The following ANXA4 variants were observed in gnomAD, a reference collection of about 807,000 sequenced individuals.
ANXA4 encodes annexin A4, also known as 35-beta calcimedin.
In ANXA4, 39 loss-of-function variants were observed where a neutral mutation model predicts 49.8. The ratio of observed to expected loss-of-function variants is 0.78; its 90% CI spans 0.61 to 1.02. The LOEUF is 1.02. ANXA4 is among the 50% of genes least tolerant of loss of function. ANXA4 has a pLI of 0.00. For synonymous variants in ANXA4, 134 were observed against 152.5 expected (o/e 0.88, Z 0.89); for missense variants, 360 against 410.1 (o/e 0.88, Z 1.05).
chr2:69,820,770 C>T lies in ANXA4; in HGVS notation c.855C>T (p.Ile285=). The part of the protein sequence containing the change: ...VSRAEIDMLD[I]RAHFKRLYGK... ...GAGCAGAAATTGACATGTTGGATAT[C>T]CGGGCACACTTCAAGAGACTCTATG... The change falls in exon 12 of 13, where the codon ATC becomes ATT. Residue 285 remains isoleucine (I), a synonymous_variant. Transcript: ENST00000394295. 1.2e-6 allele frequency: 2 copies of T among 1,614,110 alleles called. No homozygotes were observed. The highest frequency in any genetic ancestry group is 1.7e-6 in the Non-Finnish European group (2 of 1,179,996).
At chr2:69,766,483 A>C (rs1451289817) in intron 1 of ANXA4, among the ~76,000 whole-genome samples, 2 of 152,212 alleles carry the variant, frequency 1.3e-5, no homozygotes, top group African/African-American at 4.8e-5. Flanking sequence ...CCCAGTTAGA[A>C]AGTACCTTTA....
upstream of ANXA4, among the ~76,000 whole-genome samples, chr2:69,738,329 A>G (rs1670296265): frequency 6.6e-6 from 1 of 151,824 alleles, no homozygotes; most frequent in African/African-American, 2.4e-5. Flanking sequence ...AGTATTCCAA[A>G]CTCTCCAGCC....
chr2:69,770,491 C>A (rs10185719), intron 1 of ANXA4, among the ~76,000 whole-genome samples: 6,808 of 152,182 alleles, frequency 0.045, 519 homozygotes, highest in African/African-American at 0.16. Context: ...TAGGAATGTG[C>A]CACAAGGCTG....
rs927830522 is a variant in ANXA4 at position 69,654,427 on chromosome 2, T to C, written n.766+1145T>C. On this transcript the variant is annotated intron_variant and non_coding_transcript_variant, in intron 2 of 3. Transcript: ENST00000418066. ...TATGATATTGGGTGTGGGTTTGTCA[T>C]AAATGGCTCTTATTATTTTGAGATA... 8.5e-5 allele frequency among the ~76,000 whole-genome samples: 13 copies of C among 152,350 alleles called. No individual in the cohort carries two copies. In the South Asian group the frequency reaches 2.5e-3, roughly 29 times the overall value.
At chr2:69,791,475 G>T (rs1474504977) in intron 3 of ANXA4, among the ~76,000 whole-genome samples, 1 of 152,160 alleles carries the variant, frequency 6.6e-6, no homozygotes, top group Non-Finnish European at 1.5e-5. Flanking sequence ...CAGGAATTAG[G>T]CAGAGAGACA....
intron 1 of ANXA4, among the ~76,000 whole-genome samples, chr2:69,774,067 C>T (rs990546123): frequency 4.7e-4 from 71 of 152,016 alleles, no homozygotes; most frequent in African/African-American, 1.7e-3. Flanking sequence ...AGGTGATCTG[C>T]CCGCCCCTGC....
intron 2 of ANXA4, among the ~76,000 whole-genome samples, chr2:69,654,032 TTC>T (rs1378249153): frequency 2.4e-4 from 37 of 152,226 alleles, no homozygotes; most frequent in Admixed American, 2.0e-3. Context: ...AGGTATTTTA[TTC>T]TCTTAGTAGC....
At chr2:69,819,976 G>A (rs1674159951) in intron 11 of ANXA4, among the ~76,000 whole-genome samples, 1 of 151,692 alleles carries the variant, frequency 6.6e-6, no homozygotes, top group Non-Finnish European at 1.5e-5. Context: ...GCTGAGGCAG[G>A]AGAATCACTG....
chr2:69,778,584 T>C (rs183550357), intron 1 of ANXA4, among the ~76,000 whole-genome samples: 2,106 of 152,206 alleles, frequency 0.014, 47 homozygotes, highest in Admixed American at 0.05. Context: ...GAGACCAGCC[T>C]GACCAACATG....
At position 69,808,077 on chromosome 2, in the gene ANXA4, A is replaced by G. The variant is rs1304323516; in HGVS notation, c.397+81A>G. ...GGTAGCAGCGGGTTGTTGTTTGCTG[A>G]TTAGACTTTTCACAGAACGCTGAGC... On this transcript the variant is annotated intron_variant, in intron 6 of 12. Coordinates refer to ENST00000394295, the MANE Select transcript of ANXA4 (RefSeq NM_001153.5). 3.0e-6 allele frequency: 4 copies of G among 1,355,574 alleles called. No individual in the cohort carries two copies. In the East Asian group the frequency reaches 9.3e-5, roughly 32 times the overall value. The allele number at this position is 1,355,574 out of a possible 1,614,324, so 84.0% of individuals were successfully genotyped here.
intron 2 of ANXA4, among the ~76,000 whole-genome samples, chr2:69,661,588 C>G (rs1423022980): frequency 2.0e-5 from 3 of 151,978 alleles, no homozygotes; most frequent in African/African-American, 7.3e-5. Context: ...TTTTAAATCT[C>G]ACAAGGACAA....
At position 69,825,893 on chromosome 2, in the gene ANXA4, C is replaced by CGAA. The variant is rs1674449823; in HGVS notation, c.*378_*379insGAA. On this transcript the variant is annotated 3_prime_UTR_variant, in exon 13 of 13. Transcript: ENST00000394295. ...AGACTGTTCTAAAATCACTTTTTTCCCTAATCCAATTTTTAGAGTGGCTAG... is the reference window on the plus strand; with the variant it reads ...AGACTGTTCTAAAATCACTTTTTTCCGAACTAATCCAATTTTTAGAGTGGCTAG... The CGAA allele has an allele frequency of 1.3e-5, 2 of 157,830 alleles. No individual in the cohort carries two copies. The highest frequency in any genetic ancestry group is 4.8e-5 in the African/African-American group (2 of 41,548). 9.8% of individuals were successfully genotyped at this position (157,830 alleles called of 1,614,324 possible).
intron 1 of ANXA4, among the ~76,000 whole-genome samples, chr2:69,758,134 T>C (rs1228670691): frequency 6.6e-6 from 1 of 152,156 alleles, no homozygotes; most frequent in Non-Finnish European, 1.5e-5. Context: ...TGCCTCAGCA[T>C]CCGGCATAGC....
chr2:69,806,631 A>C (rs943176381), intron 5 of ANXA4, 133 bp downstream of exon 5: 27 of 673,676 alleles, frequency 4.0e-5, no homozygotes, highest in African/African-American at 3.4e-4. Context: ...GGATAAAGAA[A>C]ATGTGGTACA....
Position 69,820,782 on chromosome 2 carries a change from C to T in ANXA4, c.867C>T (p.Phe289=), listed in dbSNP as rs1335147603. 2 of 1,614,132 alleles carry T rather than the reference C, an allele frequency of 1.2e-6. No homozygotes were observed. Among genetic ancestry groups the T allele is most frequent in the Non-Finnish European group, 1.7e-6 (2 of 1,180,016 alleles). ...EIDMLDIRAH[F]KRLYGKSLYS... ...ACATGTTGGATATCCGGGCACACTT[C>T]AAGAGACTCTATGGAAAGTCTCTGT... The change falls in exon 12 of 13, where the codon TTC becomes TTT. Residue 289 remains phenylalanine, a synonymous_variant. Coordinates refer to ENST00000394295, the MANE Select transcript of ANXA4 (RefSeq NM_001153.5).
chr2:69,784,374 G>A (rs1672327962), intron 2 of ANXA4, among the ~76,000 whole-genome samples: 1 of 152,170 alleles, frequency 6.6e-6, no homozygotes, highest in Non-Finnish European at 1.5e-5. Context: ...CCACAGCAAC[G>A]CAGTTTGCTT....
intron 2 of ANXA4, among the ~76,000 whole-genome samples, chr2:69,657,592 T>C (rs1439679646): frequency 6.6e-6 from 1 of 152,218 alleles, no homozygotes; most frequent in Non-Finnish European, 1.5e-5. Flanking sequence ...TATTCTAAAG[T>C]AATAATTTTA....
intron 2 of ANXA4, among the ~76,000 whole-genome samples, chr2:69,668,010 C>T (rs933413874): frequency 4.6e-5 from 7 of 152,168 alleles, no homozygotes; most frequent in African/African-American, 1.4e-4. Context: ...AGTCCCTGCT[C>T]GTCTCATGTC....
chr2:69,757,680 C>T (rs1301302421), intron 1 of ANXA4, among the ~76,000 whole-genome samples: 2 of 149,836 alleles, frequency 1.3e-5, no homozygotes, highest in African/African-American at 4.9e-5. Flanking sequence ...TGTCCAGGGC[C>T]GGGTGGGGTG....
Sources: allele counts gnomAD v4.1 joint callset (sites outside exome capture counted in the v4.1 genomes callset), GRCh38; gene constraint gnomAD v4.1.1; transcripts MANE v1.5; gene names NCBI Gene and HGNC (gene_info 2026-07-23, HGNC 2026-07-21).